PTPRO: variants seen among roughly 807,000 people sequenced by gnomAD.
The protein encoded by PTPRO is protein tyrosine phosphatase receptor type O.
A neutral mutation model predicts 145.2 loss-of-function variants in PTPRO; 62 were observed. The ratio of observed to expected loss-of-function variants is 0.43; its 90% CI spans 0.35 to 0.53. The LOEUF (loss-of-function observed/expected upper bound fraction) is 0.53. Among genes scored for constraint, PTPRO ranks in the 20% least tolerant of loss-of-function variants. The pLI is 0.01. For missense variants in PTPRO, 1,345 were observed against 1,482.7 expected (o/e 0.91, Z 1.53); for synonymous variants, 565 against 514.7 (o/e 1.10, Z -1.32).
chr12:15,444,940 A>G (rs1167632749), intron 1 of PTPRO, among the ~76,000 whole-genome samples: 1 of 152,136 alleles, frequency 6.6e-6, no homozygotes, highest in Non-Finnish European at 1.5e-5. Flanking sequence ...AGTAATGACT[A>G]AAAAAATTAG....
At chr12:15,390,820 A>C (rs964378491) in intron 1 of PTPRO, among the ~76,000 whole-genome samples, 8 of 152,196 alleles carry the variant, frequency 5.3e-5, no homozygotes, top group Non-Finnish European at 8.8e-5. Context: ...TGCTCAGGCT[A>C]CTATAACAAA....
chr12:15,353,524 GATGTCTAACGA>G (rs1405016682), intron 1 of PTPRO, among the ~76,000 whole-genome samples: 1 of 152,112 alleles, frequency 6.6e-6, no homozygotes, highest in African/African-American at 2.4e-5. Context: ...CGATAAGTTG[GATGTCTAACGA>G]ATTCCCACTG....
At chr12:15,544,506 CAAAAAAA>C (rs61249816) in intron 12 of PTPRO, among the ~76,000 whole-genome samples, 2 of 73,206 alleles carry the variant, frequency 2.7e-5, no homozygotes, top group East Asian at 4.3e-4. Context: ...GACTCCATCT[CAAAAAAA>C]AAAAAAAAAA....
intron 1 of PTPRO, among the ~76,000 whole-genome samples, chr12:15,381,382 C>T (rs764463165): frequency 6.6e-6 from 1 of 152,084 alleles, no homozygotes; most frequent in Non-Finnish European, 1.5e-5. Flanking sequence ...CACATAATCC[C>T]GACCAGAAGC....
At chr12:15,441,777 A>G (rs558235456) in intron 1 of PTPRO, among the ~76,000 whole-genome samples, 10 of 152,294 alleles carry the variant, frequency 6.6e-5, no homozygotes, top group Non-Finnish European at 1.3e-4. Context: ...TCTGGGAAAC[A>G]CACAATTTCC....
chr12:15,487,541 G>T (rs977332958), intron 2 of PTPRO, among the ~76,000 whole-genome samples: 2 of 152,152 alleles, frequency 1.3e-5, no homozygotes, highest in East Asian at 1.9e-4. Context: ...CCTCTTAGTG[G>T]TTTCAATTAT....
At chr12:15,333,503 A>T (rs779630336) in intron 1 of PTPRO, among the ~76,000 whole-genome samples, 2 of 152,202 alleles carry the variant, frequency 1.3e-5, no homozygotes, top group Non-Finnish European at 2.9e-5. Flanking sequence ...TGAATGAATG[A>T]GTGTTGAATA....
At chr12:15,398,382 G>A (rs1483964588) in intron 1 of PTPRO, among the ~76,000 whole-genome samples, 4 of 150,718 alleles carry the variant, frequency 2.7e-5, no homozygotes, top group Non-Finnish European at 5.9e-5. Context: ...ACTTTCTCTC[G>A]TTATGTTTTG....
intron 1 of PTPRO, among the ~76,000 whole-genome samples, chr12:15,458,626 G>T (rs570621766): frequency 3.3e-5 from 5 of 151,076 alleles, no homozygotes; most frequent in Admixed American, 2.0e-4. Flanking sequence ...GTCTGCTGTT[G>T]AATCCCTCTA....
intron 10 of PTPRO, among the ~76,000 whole-genome samples, chr12:15,522,202 T>A (rs1199048116): frequency 2.0e-5 from 3 of 152,052 alleles, no homozygotes; most frequent in African/African-American, 7.2e-5. Context: ...TTTATACTTA[T>A]TTTCTAAACA....
chr12:15,414,832 G>C (rs543132761), intron 1 of PTPRO, among the ~76,000 whole-genome samples: 1 of 152,064 alleles, frequency 6.6e-6, no homozygotes. Context: ...TCTTGGAAAC[G>C]GGAATTTAAT....
In PTPRO at chr12:15,580,073, T is replaced by G. The variant is rs770193521; in HGVS notation, c.2955T>G (p.Asn985Lys). Reference protein sequence around the residue: ...DFSRVRLVSMNEEEGADYINA... With the variant: ...DFSRVRLVSMKEEEGADYINA... ...GCCGTGTGAGATTAGTCTCCATGAA[T>G]GAAGAGGAAGGTGCAGACTACATCA... Residue 985 changes from asparagine to lysine, a missense_variant, in exon 21 of 27, where the codon AAT (asparagine) becomes AAG (lysine). This residue lies in a region of PTPRO where 1,130 missense variants were observed against 1,214.7 expected (regional missense o/e 0.93). Coordinates refer to ENST00000281171, the MANE Select transcript of PTPRO (RefSeq NM_030667.3). 35 of 1,613,136 alleles carry G rather than the reference T, an allele frequency of 2.2e-5. No individual in the cohort carries two copies. The highest frequency in any genetic ancestry group is 1.8e-4 in the Admixed American group (11 of 60,004).
intron 12 of PTPRO, among the ~76,000 whole-genome samples, chr12:15,528,566 A>G (rs1055227993): frequency 1.3e-5 from 2 of 151,938 alleles, no homozygotes; most frequent in African/African-American, 2.4e-5. Flanking sequence ...GATCAAACAT[A>G]AGAATTATTA....
At chr12:15,563,735 A>G (rs1024055716) in intron 17 of PTPRO, among the ~76,000 whole-genome samples, 1 of 152,126 alleles carries the variant, frequency 6.6e-6, no homozygotes, top group Non-Finnish European at 1.5e-5. Flanking sequence ...ATATTTCAGC[A>G]CTGAATTTAT....
chr12:15,532,411 T>A (rs1460969994), intron 12 of PTPRO, among the ~76,000 whole-genome samples: 1 of 152,186 alleles, frequency 6.6e-6, no homozygotes, highest in African/African-American at 2.4e-5. Flanking sequence ...TGGTATGACA[T>A]TTGAAAGTCA....
intron 11 of PTPRO, among the ~76,000 whole-genome samples, chr12:15,525,476 C>T (rs992866882): frequency 6.6e-6 from 1 of 152,174 alleles, no homozygotes; most frequent in African/African-American, 2.4e-5. Context: ...GGCACTTCTG[C>T]TTTAAGGGGT....
intron 12 of PTPRO, among the ~76,000 whole-genome samples, chr12:15,537,361 G>A (rs1202089177): frequency 6.6e-6 from 1 of 152,164 alleles, no homozygotes; most frequent in Non-Finnish European, 1.5e-5. Flanking sequence ...TTAAGACATG[G>A]AGATGGTGAG....
Position 15,431,567 on chromosome 12 carries a change from A to G in PTPRO, c.76-52407A>G, listed in dbSNP as rs535337729. On this transcript the variant is annotated intron_variant, in intron 1 of 26. Transcript: ENST00000281171. ...TCTTGTTATTTTAAAAGAACATTAT[A>G]ATTTCAATTATTCTAATAATTGTTA... 4.3e-4 allele frequency among the ~76,000 whole-genome samples: 65 copies of G among 152,318 alleles called. No individual in the cohort carries two copies. In the South Asian group the frequency reaches 4.6e-3, roughly 11 times the overall value.
intron 2 of PTPRO, among the ~76,000 whole-genome samples, chr12:15,489,055 A>G (rs1941948033): frequency 6.6e-6 from 1 of 152,198 alleles, no homozygotes; most frequent in African/African-American, 2.4e-5. Context: ...ATTCTAAATA[A>G]AAATAATTCA....
Sources: gnomAD v4.1 joint callset for allele counts (sites outside exome capture counted in the v4.1 genomes callset) on GRCh38, gnomAD v4.1.1 for gene constraint, gnomAD v4.1.1 regional missense constraint, MANE v1.5 for transcripts, NCBI Gene and HGNC (gene_info 2026-07-23, HGNC 2026-07-21) for gene names.